Variants in MB21D2 observed in about 807,000 individuals in gnomAD.
The protein encoded by MB21D2 is nucleotidyltransferase MB21D2.
A neutral mutation model predicts 33.3 loss-of-function variants in MB21D2; 9 were observed. That is an observed-to-expected ratio of 0.27 (90% CI 0.16 to 0.47). MB21D2 has a LOEUF of 0.47. Among genes scored for constraint, MB21D2 ranks in the 20% least tolerant of loss-of-function variants. The pLI is 0.99. For synonymous variants in MB21D2, 241 were observed against 236.3 expected, an observed-to-expected ratio of 1.02 and a Z score of -0.18; for missense variants, 540 against 624.6, an observed-to-expected ratio of 0.86 and a Z score of 1.44.
Position 192,797,755 on chromosome 3 carries a change from C to T in MB21D2, c.*631G>A, listed in dbSNP as rs147843165. 20 of 152,702 alleles carry T rather than the reference C, an allele frequency of 1.3e-4. No homozygotes were observed. In the East Asian group the frequency reaches 3.3e-3, roughly 25 times the overall value. The allele number at this position is 152,702 out of a possible 1,614,324, so 9.5% of individuals were successfully genotyped here. A position where few individuals can be genotyped will look rare whatever the true frequency, so the allele number is the denominator to read the frequency against. ...ACTGTCAAAGACACCCTTCAAACCA[C>T]CCAGTGTTCTCTGATTTGAGGACAA... On this transcript the variant is annotated 3_prime_UTR_variant, in exon 2 of 2. Coordinates refer to ENST00000392452, the MANE Select transcript of MB21D2 (RefSeq NM_178496.4).
In MB21D2 at chr3:192,797,009, C is replaced by CTG. The variant is rs1199197014; in HGVS notation, c.*1376_*1377insCA. 6.6e-6 allele frequency: 1 copy of CTG among 152,530 alleles called. No individual in the cohort carries two copies. The highest frequency in any genetic ancestry group is 2.4e-5 in the African/African-American group (1 of 41,404). The allele number at this position is 152,530 out of a possible 1,614,324, so 9.4% of individuals were successfully genotyped here. ...AGACCAAAATGAACACGTTACTTGC[C>CTG]CTTTCTATGAGTAGACATCATGGGT... On this transcript the variant is annotated 3_prime_UTR_variant, in exon 2 of 2. Transcript: ENST00000392452.
intron 1 of MB21D2, among the ~76,000 whole-genome samples, chr3:192,886,674 A>G (rs1713738862): frequency 6.6e-6 from 1 of 152,118 alleles, no homozygotes; most frequent in Non-Finnish European, 1.5e-5. Flanking sequence ...ATTGTTTAAC[A>G]TTCAATAAAT....
intron 1 of MB21D2, among the ~76,000 whole-genome samples, chr3:192,835,255 C>T (rs1186548279): frequency 6.7e-6 from 1 of 148,986 alleles, no homozygotes. Flanking sequence ...GAGATCAAGA[C>T]CATCCTGGCT....
chr3:192,903,525 C>T (rs924476590), intron 1 of MB21D2, among the ~76,000 whole-genome samples: 1 of 152,164 alleles, frequency 6.6e-6, no homozygotes, highest in Non-Finnish European at 1.5e-5. Flanking sequence ...AGCTAGACTT[C>T]TTGGGTTAAA....
intron 1 of MB21D2, among the ~76,000 whole-genome samples, chr3:192,877,245 C>G (rs971838154): frequency 6.6e-6 from 1 of 152,052 alleles, no homozygotes; most frequent in Non-Finnish European, 1.5e-5. Flanking sequence ...TTACCATCTC[C>G]TATGTTGTAT....
intron 1 of MB21D2, among the ~76,000 whole-genome samples, chr3:192,894,067 T>C (rs1314377712): frequency 1.3e-5 from 2 of 152,052 alleles, no homozygotes; most frequent in Non-Finnish European, 2.9e-5. Flanking sequence ...GCCACTCTTG[T>C]TTTCCCATTC....
chr3:192,909,936 CAAAAAAAAAA>C lies in MB21D2; in HGVS notation c.211+7684_211+7693del, dbSNP rs61613458. ...TGAGTGACAGAGCAAGACTCTGTCT[CAAAAAAAAAA>C]AAAAAAAAAAAAAAAAAGAAAGAGA... On this transcript the variant is annotated intron_variant, in intron 1 of 1. Coordinates refer to ENST00000392452, the MANE Select transcript of MB21D2 (RefSeq NM_178496.4). Among the ~76,000 whole-genome samples the C allele has an allele frequency of 5.4e-3, 284 of 52,818 alleles. 3 individuals are homozygous for C. The highest frequency in any genetic ancestry group is 0.022 in the African/African-American group (271 of 12,468). 34.7% of individuals were successfully genotyped at this position (52,818 alleles called of 152,430 possible). A position where few individuals can be genotyped will look rare whatever the true frequency, so the allele number is the denominator to read the frequency against.
At chr3:192,813,027 CTGATCAACGGGCTAAAATG>C (rs1711825318) in intron 1 of MB21D2, among the ~76,000 whole-genome samples, 1 of 152,112 alleles carries the variant, frequency 6.6e-6, no homozygotes, top group Non-Finnish European at 1.5e-5. Flanking sequence ...GGGAAACAAG[CTGATCAACGGGCTAAAATG>C]TGATAAGACT....
chr3:192,799,666 A>G lies in MB21D2; in HGVS notation c.212-16T>C. 1 of 1,604,498 alleles carries G rather than the reference A, an allele frequency of 6.2e-7. No homozygotes were observed. Among genetic ancestry groups the G allele is most frequent in the African/African-American group, 1.3e-5 (1 of 74,324 alleles). The stretch of plus-strand genomic sequence containing the variant: ...TGCACCATTCCTGGAAATAAAGAAG[A>G]AAAAAACAACACTATTACAGGAAAC... On this transcript the variant is annotated splice_polypyrimidine_tract_variant and intron_variant, in intron 1 of 1. Coordinates refer to ENST00000392452, the MANE Select transcript of MB21D2 (RefSeq NM_178496.4). This position sits in a 1 kb window ranked among gnomAD's most constrained non-coding sequence, Gnocchi z 4.1.
At chr3:192,891,654 CT>C (rs959085687) in intron 1 of MB21D2, among the ~76,000 whole-genome samples, 3 of 152,106 alleles carry the variant, frequency 2.0e-5, no homozygotes, top group African/African-American at 7.3e-5. Context: ...CATGTTAATG[CT>C]TTTATTACTG....
Position 192,799,077 on chromosome 3 carries a change from A to G in MB21D2, c.785T>C (p.Ile262Thr). 1.9e-6 allele frequency: 3 copies of G among 1,614,076 alleles called. No homozygotes were observed. The highest frequency in any genetic ancestry group is 2.5e-6 in the Non-Finnish European group (3 of 1,179,998). The change falls in exon 2 of 2, where the codon ATT becomes ACT. Residue 262 changes from isoleucine to threonine, a missense_variant. Transcript: ENST00000392452. This position sits in a 1 kb window ranked among gnomAD's most constrained non-coding sequence, Gnocchi z 4.1. ...LMENHFWDGK[I>T]TEEEVISGFY... ...CCCACTGATGACCTCTTCCTCAGTAATCTTCCCATCCCAAAAGTGGTTCTC... is the reference window on the plus strand; with the variant it reads ...CCCACTGATGACCTCTTCCTCAGTAGTCTTCCCATCCCAAAAGTGGTTCTC...
At chr3:192,881,401 C>G (rs766803970) in intron 1 of MB21D2, among the ~76,000 whole-genome samples, 2 of 152,070 alleles carry the variant, frequency 1.3e-5, no homozygotes, top group Non-Finnish European at 2.9e-5. Flanking sequence ...CTCTGTGGCT[C>G]CTTCCAGCTC....
At chr3:192,848,250 T>C (rs1471961735) in intron 1 of MB21D2, among the ~76,000 whole-genome samples, 1 of 152,202 alleles carries the variant, frequency 6.6e-6, no homozygotes. Context: ...AAATGCCTAC[T>C]CTGCTTTTTA....
intron 1 of MB21D2, among the ~76,000 whole-genome samples, chr3:192,816,223 T>TTA (rs1553855709): frequency 3.8e-4 from 57 of 150,800 alleles, no homozygotes; most frequent in Non-Finnish European, 5.9e-4. Context: ...TTTTTTTTTT[T>TTA]AAAAAAAAAG....
intron 1 of MB21D2, among the ~76,000 whole-genome samples, chr3:192,875,746 T>A (rs1165425235): frequency 1.3e-5 from 2 of 152,196 alleles, no homozygotes; most frequent in East Asian, 1.9e-4. Context: ...TCCACAGTGT[T>A]AAGCAACCAT....
chr3:192,895,838 T>C (rs766565296), intron 1 of MB21D2, among the ~76,000 whole-genome samples: 3 of 152,018 alleles, frequency 2.0e-5, no homozygotes, highest in Non-Finnish European at 2.9e-5. Flanking sequence ...CCTCAAGCAA[T>C]CCTCCCACCT....
chr3:192,887,907 G>C (rs1713767615), intron 1 of MB21D2, among the ~76,000 whole-genome samples: 1 of 152,002 alleles, frequency 6.6e-6, no homozygotes, highest in Non-Finnish European at 1.5e-5. Context: ...GGCCTGAAAT[G>C]CTGCACTTCA....
chr3:192,830,241 A>T (rs11708780), intron 1 of MB21D2, among the ~76,000 whole-genome samples: 3 of 146,366 alleles, frequency 2.0e-5, no homozygotes, highest in African/African-American at 4.9e-5. Flanking sequence ...AGTGTGTGTG[A>T]GTGTGTGTGT....
intron 1 of MB21D2, among the ~76,000 whole-genome samples, chr3:192,805,346 C>T (rs149204074): frequency 7.8e-4 from 119 of 152,280 alleles, no homozygotes; most frequent in Non-Finnish European, 1.4e-3. Context: ...AAGACAAAAA[C>T]GGAGCTTTCC....
Sources: gnomAD v4.1 joint callset for allele counts (sites outside exome capture counted in the v4.1 genomes callset) on GRCh38, gnomAD v4.1.1 for gene constraint, Gnocchi (gnomAD v3.1) non-coding constraint, MANE v1.5 for transcripts, NCBI Gene and HGNC (gene_info 2026-07-23, HGNC 2026-07-21) for gene names.